The following DOCK11 variants were observed in gnomAD, a reference collection of about 807,000 sequenced individuals.
The protein encoded by DOCK11 is dedicator of cytokinesis protein 11.
DOCK11 carries 70 observed loss-of-function variants against 169.1 expected under a neutral mutation model. That is an observed-to-expected ratio of 0.41 (90% CI 0.34 to 0.51). The LOEUF (loss-of-function observed/expected upper bound fraction) is 0.51, where lower values mean the gene tolerates loss of function less well. Ranked by LOEUF, DOCK11 falls within the 20% of genes least tolerant of loss-of-function variation. The pLI is 0.10. For missense variants in DOCK11, 1,166 were observed against 1,538.8 expected, an observed-to-expected ratio of 0.76 and a Z score of 4.05; for synonymous variants, 529 against 541.3, an observed-to-expected ratio of 0.98 and a Z score of 0.32.
At chrX:118,670,103 A>G (rs915692131) in intron 45 of DOCK11, among the ~76,000 whole-genome samples, 4 of 112,097 alleles carry the variant, frequency 3.6e-5, no homozygotes, top group African/African-American at 9.7e-5. Context: ...AGGAGACACA[A>G]TTCAACCCAT....
intron 21 of DOCK11, 128 bp downstream of exon 21, chrX:118,597,680 A>G (rs922918260): frequency 1.4e-6 from 1 of 723,070 alleles, no homozygotes; most frequent in African/African-American, 2.1e-5. Context: ...GGTCCACAAC[A>G]AAGATAAACA....
At chrX:118,592,077 G>A (rs1396558119) in intron 19 of DOCK11, among the ~76,000 whole-genome samples, 1 of 107,444 alleles carries the variant, frequency 9.3e-6, no homozygotes, top group Non-Finnish European at 1.9e-5. Flanking sequence ...ATTGTGAATA[G>A]TGCCGCAATA....
chrX:118,527,107 T>C (rs932110178), intron 1 of DOCK11, among the ~76,000 whole-genome samples: 21 of 112,279 alleles, frequency 1.9e-4, no homozygotes, highest in Non-Finnish European at 3.0e-4. Flanking sequence ...CCCAGGGCCT[T>C]TACTATATAG....
At chrX:118,572,134 A>G (rs1308354821) in intron 10 of DOCK11, among the ~76,000 whole-genome samples, 189 bp from the exon 11 acceptor site, 2 of 112,283 alleles carry the variant, frequency 1.8e-5, no homozygotes, top group Non-Finnish European at 3.8e-5. Context: ...ATCTCCCTCT[A>G]GGATTTCTCC....
intron 44 of DOCK11, among the ~76,000 whole-genome samples, chrX:118,658,360 T>G (rs974444571): frequency 8.9e-6 from 1 of 112,619 alleles, no homozygotes; most frequent in East Asian, 2.8e-4. Context: ...AGTTGACACA[T>G]TGGAAGCAGA....
At chrX:118,613,171 C>T (rs1292006122) in intron 28 of DOCK11, among the ~76,000 whole-genome samples, 1 of 111,894 alleles carries the variant, frequency 8.9e-6, no homozygotes, top group Non-Finnish European at 1.9e-5. Flanking sequence ...GATTATGGAC[C>T]ATGCCTTATT....
At chrX:118,671,790 C>G (rs2016479926) in intron 46 of DOCK11, among the ~76,000 whole-genome samples, 1 of 111,962 alleles carries the variant, frequency 8.9e-6, no homozygotes, top group African/African-American at 3.2e-5. Flanking sequence ...AGCAGTTCTC[C>G]TGCCTCAGCC....
At position 118,588,307 on chromosome X, in the gene DOCK11, A is replaced by C; in HGVS notation, c.1966A>C (p.Lys656Gln). The change falls in exon 17 of 53, where the codon AAA (lysine) becomes CAA (glutamine). Residue 656 changes from lysine (K) to glutamine (Q), a missense_variant. Physicochemically the swap from Lys to Gln is moderately conservative, Grantham distance 53. Coordinates refer to ENST00000276202, the MANE Select transcript of DOCK11 (RefSeq NM_144658.4). ...CCTGCAATTAAAATACGATAGCCAG[A>C]AAACATTTGCCAAGGTAACCATGTA... The part of the protein sequence containing the change: ...YPLQLKYDSQ[K>Q]TFAKARNIAV... The C allele has an allele frequency of 1.7e-6, 2 of 1,176,353 alleles. No individual in the cohort carries two copies. Among genetic ancestry groups the C allele is most frequent in the Non-Finnish European group, 2.3e-6 (2 of 879,625 alleles).
chrX:118,639,842 A>G (rs1837827572), intron 38 of DOCK11, among the ~76,000 whole-genome samples: 1 of 111,948 alleles, frequency 8.9e-6, no homozygotes, highest in Non-Finnish European at 1.9e-5. Flanking sequence ...ATGACTATAA[A>G]ATGATAAAAT....
intron 46 of DOCK11, among the ~76,000 whole-genome samples, chrX:118,672,668 C>T (rs893520024): frequency 8.9e-6 from 1 of 112,973 alleles, no homozygotes; most frequent in Non-Finnish European, 1.9e-5. Flanking sequence ...ATCTCCTGAC[C>T]TTGTGATGCG....
At chrX:118,681,482 A>G (rs1005085980) in intron 50 of DOCK11, among the ~76,000 whole-genome samples, 2 of 112,824 alleles carry the variant, frequency 1.8e-5, no homozygotes, top group African/African-American at 3.2e-5. Flanking sequence ...CTGTATGTAC[A>G]TATCAGAAAT....
At chrX:118,587,286 T>C (rs748304100) in intron 16 of DOCK11, among the ~76,000 whole-genome samples, 1 of 112,162 alleles carries the variant, frequency 8.9e-6, no homozygotes, top group African/African-American at 3.2e-5. Context: ...CTATATACAA[T>C]ATGCATAGAA....
At chrX:118,641,351 C>T (rs773567558) in intron 39 of DOCK11, 46 bp downstream of exon 39, 2 of 956,827 alleles carry the variant, frequency 2.1e-6, no homozygotes, top group South Asian at 2.0e-5. Context: ...TGCAAAGTAA[C>T]ATTATGCAGA....
intron 37 of DOCK11, among the ~76,000 whole-genome samples, chrX:118,638,783 C>G (rs1456717761): frequency 9.0e-6 from 1 of 111,656 alleles, no homozygotes; most frequent in Admixed American, 9.6e-5. Flanking sequence ...GTTCCAATTT[C>G]AACCATGTTT....
intron 51 of DOCK11, among the ~76,000 whole-genome samples, chrX:118,682,493 A>G (rs1359437555): frequency 8.9e-6 from 1 of 111,856 alleles, no homozygotes; most frequent in Non-Finnish European, 1.9e-5. Flanking sequence ...TGCCTGGTAC[A>G]TGCAAAAGAC....
At chrX:118,598,196 G>A (rs764998873) in intron 22 of DOCK11, 80 bp downstream of exon 22, 34 of 728,042 alleles carry the variant, frequency 4.7e-5, no homozygotes, top group Non-Finnish European at 6.3e-5. Context: ...GATTCCTACA[G>A]CCTTAGAGAA....
chrX:118,675,830 A>G, intron 46 of DOCK11, 106 bp from the exon 47 acceptor site: 1 of 461,297 alleles, frequency 2.2e-6, no homozygotes, highest in East Asian at 4.2e-5. Flanking sequence ...CACCAAGACC[A>G]TTTTGAAAAG....
At chrX:118,503,205 G>T (rs1454847383) in intron 1 of DOCK11, among the ~76,000 whole-genome samples, 1 of 108,552 alleles carries the variant, frequency 9.2e-6, no homozygotes, top group East Asian at 2.9e-4. Context: ...GATTACAGAT[G>T]CGTGCCACCA....
intron 6 of DOCK11, 26 bp downstream of exon 6, chrX:118,546,142 C>T (rs1255650799): frequency 3.4e-6 from 3 of 878,979 alleles, no homozygotes; most frequent in Non-Finnish European, 4.6e-6. Flanking sequence ...TATATTATTC[C>T]ATCATTTTAA....
Sources: allele counts gnomAD v4.1 joint callset (sites outside exome capture counted in the v4.1 genomes callset), GRCh38; gene constraint gnomAD v4.1.1; transcripts MANE v1.5; gene names NCBI Gene and HGNC (gene_info 2026-07-23, HGNC 2026-07-21).